RPTOR: variants seen among roughly 807,000 people sequenced by gnomAD.
The protein encoded by RPTOR is regulatory associated protein of MTOR complex 1, also known as regulatory-associated protein of mTOR.
Under a neutral mutation model 169.9 loss-of-function variants are expected in RPTOR, and 21 were observed. That is an observed-to-expected ratio of 0.12 (90% confidence interval 0.09 to 0.18). The LOEUF is 0.18. Ranked by LOEUF, RPTOR falls within the 10% of genes least tolerant of loss-of-function variation. The probability of loss-of-function intolerance (pLI) is 1.00; values close to 1 mark genes in which losing one functional copy is unlikely to be tolerated. For missense variants in RPTOR, 1,133 were observed against 1,855.9 expected, an observed-to-expected ratio of 0.61 and a Z score of 7.16; for synonymous variants, 732 against 753.2, an observed-to-expected ratio of 0.97 and a Z score of 0.46.
chr17:80,706,299 G>T (rs1388640454), intron 3 of RPTOR, among the ~76,000 whole-genome samples: 1 of 152,090 alleles, frequency 6.6e-6, no homozygotes, highest in Non-Finnish European at 1.5e-5. Flanking sequence ...GATTTACTCT[G>T]TCGGTTCTTC....
intron 3 of RPTOR, among the ~76,000 whole-genome samples, chr17:80,652,057 C>G (rs2065644701): frequency 6.7e-6 from 1 of 148,376 alleles, no homozygotes; most frequent in African/African-American, 2.5e-5. Context: ...GTAGTCCCAG[C>G]TATTCCGGAG....
At position 80,902,577 on chromosome 17, in the gene RPTOR, GCCC is replaced by G. The variant is rs553330548; in HGVS notation, c.2402-6231_2402-6229del. On this transcript the variant is annotated intron_variant, in intron 20 of 33. Coordinates refer to ENST00000306801, the MANE Select transcript of RPTOR (RefSeq NM_020761.3). ...GTGGACACAGGCCTCACCTGTCCCG[GCCC>G]CCAGCCCATGCGTCTGCCCTCTGCA... 2.4e-4 allele frequency among the ~76,000 whole-genome samples: 37 copies of G among 152,356 alleles called. No individual in the cohort carries two copies. The South Asian group carries it at 6.8e-3, about 28-fold the overall frequency.
At chr17:80,589,888 C>G (rs1392863304) in intron 1 of RPTOR, among the ~76,000 whole-genome samples, 1 of 152,098 alleles carries the variant, frequency 6.6e-6, no homozygotes, top group African/African-American at 2.4e-5. Flanking sequence ...CATCTTTATA[C>G]TTTCTCTCTT....
At chr17:80,690,585 G>T (rs1051597703) in intron 3 of RPTOR, among the ~76,000 whole-genome samples, 1 of 151,632 alleles carries the variant, frequency 6.6e-6, no homozygotes, top group African/African-American at 2.4e-5. Flanking sequence ...CTTGCCCTGG[G>T]TGAGCCACAC....
At chr17:80,930,396 T>TAGCTCAG (rs1567993764) in intron 24 of RPTOR, among the ~76,000 whole-genome samples, 1 of 1,008 alleles carries the variant, frequency 9.9e-4, no homozygotes, top group African/African-American at 3.5e-3. Flanking sequence ...CTCAGCTCAT[T>TAGCTCAG]CTCAGCTCAT....
chr17:80,860,348 T>G lies in RPTOR; in HGVS notation c.1509+2448T>G, dbSNP rs946581932. On this transcript the variant is annotated intron_variant, in intron 13 of 33. Transcript: ENST00000306801. This position sits in a 1 kb window ranked among gnomAD's most constrained non-coding sequence, Gnocchi z 5.8. ...AGCCACAGGCTCGTACCCCGCACTG[T>G]GCGCTCTCACCCGTCAGCCCTGCAC... Among the ~76,000 whole-genome samples, 42 of 152,176 alleles carry G rather than the reference T, an allele frequency of 2.8e-4. No individual in the cohort carries two copies. Among genetic ancestry groups the G allele is most frequent in the Non-Finnish European group, 1.5e-5 (1 of 68,006 alleles).
intron 6 of RPTOR, among the ~76,000 whole-genome samples, chr17:80,759,541 T>C (rs1207073216): frequency 1.3e-5 from 2 of 152,138 alleles, no homozygotes; most frequent in East Asian, 3.9e-4. Flanking sequence ...CTTTCTCCCA[T>C]ATTGAAGTGC....
chr17:80,962,846 TC>T, intron 32 of RPTOR, 81 bp from the exon 33 acceptor site: 1 of 1,587,828 alleles, frequency 6.3e-7, no homozygotes. Flanking sequence ...AGCCGGCCTG[TC>T]CCCGCGGTCT....
chr17:80,769,011 G>A (rs2066815941), intron 6 of RPTOR, among the ~76,000 whole-genome samples: 1 of 152,172 alleles, frequency 6.6e-6, no homozygotes. Flanking sequence ...CATTTTACTT[G>A]TGCTGAGATC....
At chr17:80,888,970 A>C (rs1439932086) in intron 17 of RPTOR, among the ~76,000 whole-genome samples, 2 of 152,138 alleles carry the variant, frequency 1.3e-5, no homozygotes, top group Non-Finnish European at 2.9e-5. Context: ...TGGGCACAAG[A>C]GGCCAGGAGG....
intron 21 of RPTOR, among the ~76,000 whole-genome samples, chr17:80,920,313 A>G (rs2068729718): frequency 6.6e-6 from 1 of 152,232 alleles, no homozygotes; most frequent in Non-Finnish European, 1.5e-5. Flanking sequence ...GTGCACAGCT[A>G]AAGAAAGCTC....
At chr17:80,763,187 A>G (rs1289947503) in intron 6 of RPTOR, among the ~76,000 whole-genome samples, 4 of 152,150 alleles carry the variant, frequency 2.6e-5, no homozygotes, top group Non-Finnish European at 5.9e-5. Flanking sequence ...TCAAGGCTGC[A>G]GTGAGCTGTG....
At chr17:80,627,473 G>C (rs1163424714) in intron 2 of RPTOR, among the ~76,000 whole-genome samples, 1 of 152,084 alleles carries the variant, frequency 6.6e-6, no homozygotes, top group South Asian at 2.1e-4. Flanking sequence ...CTTTGTAATC[G>C]ATCCCCTCTC....
Position 80,730,779 on chromosome 17 carries a change from G to GGC in RPTOR, c.654+73_654+74insGC. 670 of 627,800 alleles carry GGC rather than the reference G, an allele frequency of 1.1e-3. No individual in the cohort carries two copies. Among genetic ancestry groups the GGC allele is most frequent in the Non-Finnish European group, 1.6e-3 (575 of 353,246 alleles). 38.9% of individuals were successfully genotyped at this position (627,800 alleles called of 1,614,324 possible). A position where few individuals can be genotyped will look rare whatever the true frequency, so the allele number is the denominator to read the frequency against. ...TCCCTGGGGGTGGGGTTTGGGTGGG[G>GGC]AGGTTGGGAGGTGTTGGACATCCTC... On this transcript the variant is annotated intron_variant, in intron 5 of 33. Transcript: ENST00000306801. This position sits in a 1 kb window ranked among gnomAD's most constrained non-coding sequence, Gnocchi z 4.2.
intron 13 of RPTOR, 169 bp downstream of exon 13, chr17:80,858,069 C>T: frequency 1.6e-6 from 1 of 628,352 alleles, no homozygotes; most frequent in Non-Finnish European, 2.9e-6. Context: ...GCCTCGGCAG[C>T]CACCTCTGGG....
chr17:80,731,075 C>T (rs947970741), intron 5 of RPTOR, among the ~76,000 whole-genome samples: 8 of 152,052 alleles, frequency 5.3e-5, no homozygotes, highest in Non-Finnish European at 8.8e-5. Flanking sequence ...GGTGGTGTTT[C>T]GCCATGTTTC....
chr17:80,560,650 G>T (rs947203591), intron 1 of RPTOR, among the ~76,000 whole-genome samples: 3 of 152,142 alleles, frequency 2.0e-5, no homozygotes, highest in African/African-American at 7.2e-5. Flanking sequence ...GGGTCTTCAG[G>T]GAAACGCCAC....
intron 5 of RPTOR, among the ~76,000 whole-genome samples, chr17:80,751,431 C>T: frequency 6.6e-6 from 1 of 152,108 alleles, no homozygotes. Flanking sequence ...GGAGCTGAAA[C>T]CTCATGGGGT....
At chr17:80,652,913 C>G (rs1054553357) in intron 3 of RPTOR, among the ~76,000 whole-genome samples, 3 of 152,276 alleles carry the variant, frequency 2.0e-5, no homozygotes, top group African/African-American at 7.2e-5. Context: ...TTTCTGTATT[C>G]TTACATTGTT....
Sources: gnomAD v4.1 joint callset for allele counts (sites outside exome capture counted in the v4.1 genomes callset) on GRCh38, gnomAD v4.1.1 for gene constraint, Gnocchi (gnomAD v3.1) non-coding constraint, MANE v1.5 for transcripts, NCBI Gene and HGNC (gene_info 2026-07-23, HGNC 2026-07-21) for gene names.